Variants in UHRF1 observed in about 807,000 individuals in gnomAD.
UHRF1 encodes ubiquitin like with PHD and ring finger domains 1, also known as E3 ubiquitin-protein ligase UHRF1.
A neutral mutation model predicts 96.5 loss-of-function variants in UHRF1; 9 were observed. The observed-to-expected ratio is 0.09, with a 90% confidence interval of 0.06 to 0.16. The LOEUF (loss-of-function observed/expected upper bound fraction) is 0.16, where lower values mean the gene tolerates loss of function less well. UHRF1 is among the 10% of genes least tolerant of loss of function. The probability of loss-of-function intolerance (pLI) is 1.00; values close to 1 mark genes in which losing one functional copy is unlikely to be tolerated. For synonymous variants in UHRF1, 455 were observed against 469.9 expected (o/e 0.97, Z 0.41); for missense variants, 626 against 1,131.1 (o/e 0.55, Z 6.40).
At position 4,954,837 on chromosome 19, in the gene UHRF1, C is replaced by T. The variant is rs1240432798; in HGVS notation, c.2130+15C>T. 1 of 1,611,008 alleles carries T rather than the reference C, an allele frequency of 6.2e-7. No individual in the cohort carries two copies. The highest frequency in any genetic ancestry group is 2.2e-5 in the East Asian group (1 of 44,840). ...GCGGCAGCCCGGTAGGCTCGCACGG[C>T]TCACTCGTCGCCCTGATTTGCGTTG... On this transcript the variant is annotated intron_variant, in intron 15 of 16. Coordinates refer to ENST00000650932, the MANE Select transcript of UHRF1 (RefSeq NM_001048201.3). The surrounding 1 kb of genome is among the most constrained non-coding windows in gnomAD (Gnocchi z 5.9).
intron 2 of UHRF1, among the ~76,000 whole-genome samples, chr19:4,926,917 G>A (rs2146322322): frequency 6.6e-6 from 1 of 152,190 alleles, no homozygotes; most frequent in East Asian, 1.9e-4. Flanking sequence ...ACAAAAATTA[G>A]CCGGGCTTGG....
chr19:4,942,904 C>T (rs2033450552), intron 7 of UHRF1, among the ~76,000 whole-genome samples: 1 of 152,096 alleles, frequency 6.6e-6, no homozygotes, highest in South Asian at 2.1e-4. Flanking sequence ...CGCCACTGTA[C>T]TCCAGCCTGG....
chr19:4,909,460 C>T (rs2032158524), upstream of UHRF1: 2 of 654,240 alleles, frequency 3.1e-6, no homozygotes, highest in Non-Finnish European at 5.5e-6. Context: ...CTCCTGCGGC[C>T]CCGCAACTCC....
intron 2 of UHRF1, among the ~76,000 whole-genome samples, chr19:4,924,797 C>T (rs1381776819): frequency 2.7e-5 from 4 of 150,722 alleles, no homozygotes; most frequent in Non-Finnish European, 5.9e-5. Context: ...CCACAGTCTA[C>T]ATACACCAAG....
chr19:4,941,911 T>C lies in UHRF1; in HGVS notation c.1053T>C (p.Ser351=), dbSNP rs376050622. 3.3e-5 allele frequency: 50 copies of C among 1,522,994 alleles called. No homozygotes were observed. The African/African-American group carries it at 6.8e-4, about 21-fold the overall frequency. 94.3% of individuals were successfully genotyped at this position (1,522,994 alleles called of 1,614,324 possible). The stretch of plus-strand genomic sequence containing the variant: ...ACTGCCTGGACCCGCCCCTCAGCAG[T>C]GTTCCCAGCGAGGACGAGTGGTGAG... ...HIYCLDPPLS[S]VPSEDEWYCP... is the part of the protein sequence containing the mutation. The change falls in exon 7 of 17, where the codon AGT becomes AGC. Residue 351 remains serine, a synonymous_variant. Transcript: ENST00000650932.
chr19:4,935,423 C>T lies in UHRF1; in HGVS notation c.785+2467C>T, dbSNP rs543264204. Among the ~76,000 whole-genome samples, 15 of 152,266 alleles carry T rather than the reference C, an allele frequency of 9.9e-5. No homozygotes were observed. In the South Asian group the frequency reaches 3.1e-3, roughly 32 times the overall value. ...TTAAACCTCTTTCCTTTCTAAATTA[C>T]CCAGTCTTTATTATTTAGTATGTCT... On this transcript the variant is annotated intron_variant, in intron 5 of 16. Coordinates refer to ENST00000650932, the MANE Select transcript of UHRF1 (RefSeq NM_001048201.3).
At chr19:4,951,514 AG>A (rs2033716906) in intron 13 of UHRF1, among the ~76,000 whole-genome samples, 1 of 152,014 alleles carries the variant, frequency 6.6e-6, no homozygotes, top group South Asian at 2.1e-4. Context: ...GCACCCCCCT[AG>A]CTGTCCCATA....
Position 4,939,612 on chromosome 19 carries a change from C to T in UHRF1, c.786-1916C>T, listed in dbSNP as rs573696082. ...ACCAGGAGATGTCACTTGCTGTGTG[C>T]GTCTGTGCTACCTGTGAGCTGGTAG... On this transcript the variant is annotated intron_variant, in intron 5 of 16. Coordinates refer to ENST00000650932, the MANE Select transcript of UHRF1 (RefSeq NM_001048201.3). Among the ~76,000 whole-genome samples, 5 of 152,178 alleles carry T rather than the reference C, an allele frequency of 3.3e-5. No homozygotes were observed. In the East Asian group the frequency reaches 5.8e-4, roughly 18 times the overall value.
chr19:4,933,350 G>A (rs2033117508), intron 5 of UHRF1, among the ~76,000 whole-genome samples: 1 of 152,096 alleles, frequency 6.6e-6, no homozygotes, highest in African/African-American at 2.4e-5. Context: ...CGAGTAGCTG[G>A]GACTACAGGC....
At chr19:4,934,327 C>T (rs958869277) in intron 5 of UHRF1, among the ~76,000 whole-genome samples, 1 of 152,182 alleles carries the variant, frequency 6.6e-6, no homozygotes, top group African/African-American at 2.4e-5. Flanking sequence ...AGCCACTGCG[C>T]CCGGCCAAAA....
intron 2 of UHRF1, among the ~76,000 whole-genome samples, chr19:4,916,305 C>CAAA (rs11409542): frequency 2.4e-5 from 3 of 124,554 alleles, no homozygotes; most frequent in African/African-American, 8.6e-5. Context: ...GACTTTGTCT[C>CAAA]AAAAAAAAAA....
intron 2 of UHRF1, among the ~76,000 whole-genome samples, chr19:4,923,903 A>G (rs1236627272): frequency 1.3e-5 from 2 of 152,144 alleles, no homozygotes; most frequent in East Asian, 3.9e-4. Context: ...TGCCCCATCC[A>G]TCCCTCTGAG....
At chr19:4,922,414 C>T (rs917593168) in intron 2 of UHRF1, among the ~76,000 whole-genome samples, 1 of 151,588 alleles carries the variant, frequency 6.6e-6, no homozygotes, top group African/African-American at 2.4e-5. Flanking sequence ...TACAGGCGCC[C>T]ACCACCACGC....
intron 2 of UHRF1, among the ~76,000 whole-genome samples, chr19:4,926,249 C>G (rs754911638): frequency 6.6e-6 from 1 of 152,184 alleles, no homozygotes; most frequent in Non-Finnish European, 1.5e-5. Flanking sequence ...CAGGCTGTTG[C>G]GAGTGATGCC....
chr19:4,942,006 C>T (rs959216728), intron 7 of UHRF1, 75 bp downstream of exon 7: 2 of 1,394,872 alleles, frequency 1.4e-6, no homozygotes, highest in South Asian at 1.7e-5. Flanking sequence ...TGAGGAGATA[C>T]AGGAGAGGGG....
chr19:4,946,311 G>C (rs899518221), intron 10 of UHRF1, among the ~76,000 whole-genome samples: 5 of 152,084 alleles, frequency 3.3e-5, no homozygotes, highest in African/African-American at 1.2e-4. Context: ...CTCTCACTGA[G>C]CCCGACGTCC....
intron 5 of UHRF1, among the ~76,000 whole-genome samples, chr19:4,935,419 A>G (rs2033187068): frequency 6.6e-6 from 1 of 152,220 alleles, no homozygotes; most frequent in Admixed American, 6.6e-5. Flanking sequence ...TCCTTTCTAA[A>G]TTACCCAGTC....
chr19:4,947,277 G>T, intron 11 of UHRF1, 66 bp downstream of exon 11: 4 of 1,450,128 alleles, frequency 2.8e-6, no homozygotes, highest in Non-Finnish European at 3.9e-6. Flanking sequence ...TTCTGTTTTG[G>T]GCCTCATGTC....
chr19:4,940,264 T>C (rs1568422928), intron 5 of UHRF1, among the ~76,000 whole-genome samples: 1 of 151,846 alleles, frequency 6.6e-6, no homozygotes, highest in Non-Finnish European at 1.5e-5. Context: ...ACGTTGCTGA[T>C]GGGGATGTCG....
Sources: allele counts gnomAD v4.1 joint callset (sites outside exome capture counted in the v4.1 genomes callset), GRCh38; gene constraint gnomAD v4.1.1; non-coding constraint Gnocchi (gnomAD v3.1); transcripts MANE v1.5; gene names NCBI Gene and HGNC (gene_info 2026-07-23, HGNC 2026-07-21).